The following MET variants were observed in gnomAD, a reference collection of about 807,000 sequenced individuals.
MET encodes the protein MET proto-oncogene, receptor tyrosine kinase, also known as hepatocyte growth factor receptor.
MET carries 48 observed loss-of-function variants against 133.1 expected under a neutral mutation model. The ratio of observed to expected loss-of-function variants is 0.36; its 90% CI spans 0.29 to 0.46. MET has a LOEUF of 0.46. MET is among the 20% of genes least tolerant of loss of function. The probability of loss-of-function intolerance (pLI) is 1.00; values close to 1 mark genes in which losing one functional copy is unlikely to be tolerated. For missense variants in MET, 1,442 were observed against 1,695.9 expected (o/e 0.85, Z 2.63); for synonymous variants, 628 against 616.5 (o/e 1.02, Z -0.28).
chr7:116,711,188 G>A (rs1032914660), intron 2 of MET, among the ~76,000 whole-genome samples: 2 of 152,218 alleles, frequency 1.3e-5, no homozygotes, highest in African/African-American at 4.8e-5. Context: ...ATTAAACTGA[G>A]CTGTTGTTTG....
intron 1 of MET, among the ~76,000 whole-genome samples, chr7:116,694,086 T>C (rs1363879382): frequency 1.3e-5 from 2 of 152,182 alleles, no homozygotes; most frequent in Admixed American, 1.3e-4. Flanking sequence ...TAACTAGCAG[T>C]TATCATCATA....
Position 116,774,916 on chromosome 7 carries a change from C to T in MET, c.3064C>T (p.Arg1022Ter), listed in dbSNP as rs1193441628. 1.9e-6 allele frequency: 3 copies of T among 1,613,954 alleles called. No homozygotes were observed. Among genetic ancestry groups the T allele is most frequent in the Non-Finnish European group, 1.7e-6 (2 of 1,179,972 alleles). The change falls in exon 15 of 21, where the codon CGA (arginine) becomes TGA (stop). Residue 1022 changes from arginine to a stop codon, truncating the protein, a stop_gained. Coordinates refer to ENST00000397752, the MANE Select transcript of MET (RefSeq NM_000245.4). LOFTEE classifies it high-confidence loss of function. The part of the protein sequence containing the change: ...FPNSSQNGSC[R>*]QVQYPLTDMS... Reference sequence around the variant, plus strand: ...TAATTCATCTCAGAACGGTTCATGCCGACAAGTGCAGTATCCTCTGACAGA... The same window carrying T: ...TAATTCATCTCAGAACGGTTCATGCTGACAAGTGCAGTATCCTCTGACAGA...
chr7:116,716,481 GAAAGA>G (rs1792226727), intron 2 of MET, among the ~76,000 whole-genome samples: 1 of 123,446 alleles, frequency 8.1e-6, no homozygotes, highest in Non-Finnish European at 1.7e-5. Flanking sequence ...AAGAAAGAAA[GAAAGA>G]AAGAAAGAAA....
chr7:116,756,653 T>C (rs926537388), intron 6 of MET, among the ~76,000 whole-genome samples: 4 of 152,210 alleles, frequency 2.6e-5, no homozygotes, highest in African/African-American at 9.6e-5. Flanking sequence ...GAAATAATTC[T>C]ATGGAAAGCC....
At chr7:116,773,114 C>A (rs1388021068) in intron 14 of MET, among the ~76,000 whole-genome samples, 1 of 152,052 alleles carries the variant, frequency 6.6e-6, no homozygotes, top group Non-Finnish European at 1.5e-5. Flanking sequence ...CCTTACTCAC[C>A]AAAGCTCTGT....
chr7:116,727,972 G>A (rs1792857261), intron 2 of MET, among the ~76,000 whole-genome samples: 1 of 152,142 alleles, frequency 6.6e-6, no homozygotes, highest in South Asian at 2.1e-4. Context: ...CAAAGACAGG[G>A]TGCAGCTCTG....
In MET at chr7:116,757,174, AGT is replaced by A. The variant is rs1228182400; in HGVS notation, c.1863-261_1863-260del. Among the ~76,000 whole-genome samples the A allele has an allele frequency of 2.0e-5, 3 of 152,216 alleles. No individual in the cohort carries two copies. In the East Asian group the frequency reaches 5.8e-4, roughly 29 times the overall value. On this transcript the variant is annotated intron_variant, in intron 6 of 20. Coordinates refer to ENST00000397752, the MANE Select transcript of MET (RefSeq NM_000245.4). Reference sequence around the variant, plus strand: ...CTTGAGCCCAGGAGTTCAAGGCTGCAGTGAGCTATGACTATGCCACTGCCCTC... The same window carrying A: ...CTTGAGCCCAGGAGTTCAAGGCTGCAGAGCTATGACTATGCCACTGCCCTC...
At chr7:116,710,737 A>C (rs528946014) in intron 2 of MET, among the ~76,000 whole-genome samples, 1 of 152,258 alleles carries the variant, frequency 6.6e-6, no homozygotes, top group East Asian at 1.9e-4. Flanking sequence ...TGTGAGATCT[A>C]GGGTAACCAT....
rs367764141 is a variant in MET, at chr7:116,755,507, G to A, written c.1854G>A (p.Thr618=). 2.0e-5 allele frequency: 33 copies of A among 1,614,082 alleles called. No individual in the cohort carries two copies. In the Middle Eastern group the frequency reaches 2.0e-3, roughly 97 times the overall value. Residue 618 remains threonine, a synonymous_variant, in exon 6 of 21, where the codon ACG becomes ACA. Coordinates refer to ENST00000397752, the MANE Select transcript of MET (RefSeq NM_000245.4). The part of the protein sequence containing the change: ...ESCTLTLSES[T]MNTLKCTVGP... The stretch of plus-strand genomic sequence containing the variant: ...GCACCTTGACTTTAAGTGAGAGCAC[G>A]ATGAATACGTAAGGATCTTAAAATG...
At chr7:116,791,164 G>T (rs953194200) in intron 19 of MET, among the ~76,000 whole-genome samples, 3 of 152,186 alleles carry the variant, frequency 2.0e-5, no homozygotes, top group Admixed American at 1.3e-4. Flanking sequence ...ACATTTGCTT[G>T]AAGGTTTTTC....
At chr7:116,737,561 C>A (rs1235460050) in intron 3 of MET, among the ~76,000 whole-genome samples, 1 of 152,138 alleles carries the variant, frequency 6.6e-6, no homozygotes, top group African/African-American at 2.4e-5. Flanking sequence ...CATGTACTTT[C>A]TAGCTGAAAT....
At chr7:116,761,032 T>C (rs1794382928) in intron 10 of MET, among the ~76,000 whole-genome samples, 1 of 152,210 alleles carries the variant, frequency 6.6e-6, no homozygotes, top group Non-Finnish European at 1.5e-5. Context: ...TATTAGTTTA[T>C]CTAATTAATG....
chr7:116,763,709 T>C (rs1794498901), intron 11 of MET, among the ~76,000 whole-genome samples: 1 of 152,234 alleles, frequency 6.6e-6, no homozygotes, highest in Non-Finnish European at 1.5e-5. Context: ...TAAGCTAATT[T>C]GTAAATGGAA....
chr7:116,686,508 G>A (rs1031434598), intron 1 of MET, among the ~76,000 whole-genome samples: 1 of 152,144 alleles, frequency 6.6e-6, no homozygotes, highest in South Asian at 2.1e-4. Context: ...CTTGTTATGG[G>A]TATTAATTGT....
chr7:116,673,737 A>T (rs944452999), intron 1 of MET, among the ~76,000 whole-genome samples: 4 of 152,230 alleles, frequency 2.6e-5, no homozygotes, highest in African/African-American at 9.6e-5. Flanking sequence ...TGCTACAGGG[A>T]CATAAATTGC....
rs2116593187 is a variant in MET at position 116,699,692 on chromosome 7, C to A, written c.608C>A (p.Ser203Tyr). ...INFFVGNTINSSYFPDHPLHS... is the reference protein window; with the variant it reads ...INFFVGNTINYSYFPDHPLHS... ...TTCTTTGTAGGCAATACCATAAATT[C>A]TTCTTATTTCCCAGATCATCCATTG... Residue 203 changes from serine to tyrosine, a missense_variant, in exon 2 of 21, where the codon TCT becomes TAT. Ser to Tyr is a moderately radical substitution (Grantham distance 144). Coordinates refer to ENST00000397752, the MANE Select transcript of MET (RefSeq NM_000245.4). 6.2e-7 allele frequency: 1 copy of A among 1,613,974 alleles called. No homozygotes were observed. The highest frequency in any genetic ancestry group is 8.5e-7 in the Non-Finnish European group (1 of 1,179,944).
In MET at chr7:116,771,975, C is replaced by T. The variant is rs777214043; in HGVS notation, c.3014C>T (p.Ala1005Val). The T allele has an allele frequency of 6.2e-7, 1 of 1,613,774 alleles. No homozygotes were observed. Among genetic ancestry groups the T allele is most frequent in the East Asian group, 2.2e-5 (1 of 44,868 alleles). ...TCAAATGAATCTGTAGACTACCGAG[C>T]TACTTTTCCAGAAGGTATATTTCAG... is the stretch of plus-strand genomic sequence containing the variant. ...MVSNESVDYR[A>V]TFPEDQFPNS... is the part of the protein sequence containing the mutation. Residue 1005 changes from alanine to valine, a missense_variant, in exon 14 of 21, where the codon GCT becomes GTT. Around this residue, in one of 6 missense-constraint regions of MET, gnomAD observed 514 missense variants for 659.6 expected, o/e 0.78. Coordinates refer to ENST00000397752, the MANE Select transcript of MET (RefSeq NM_000245.4).
chr7:116,776,982 TTA>T (rs1795012168), intron 15 of MET, among the ~76,000 whole-genome samples: 1 of 152,244 alleles, frequency 6.6e-6, no homozygotes, highest in African/African-American at 2.4e-5. Flanking sequence ...ACTTATTTTA[TTA>T]TAGTTCTTCA....
intron 19 of MET, among the ~76,000 whole-genome samples, chr7:116,793,278 G>A (rs553439408): frequency 3.3e-5 from 5 of 151,840 alleles, no homozygotes; most frequent in Admixed American, 6.6e-5. Context: ...AGGTTCAAGC[G>A]ATTGTCCTGC....
Sources: allele counts gnomAD v4.1 joint callset (sites outside exome capture counted in the v4.1 genomes callset), GRCh38; gene constraint gnomAD v4.1.1; regional missense constraint gnomAD v4.1.1; transcripts MANE v1.5; gene names NCBI Gene and HGNC (gene_info 2026-07-23, HGNC 2026-07-21).